The following INF2 variants were observed in gnomAD, a reference collection of about 807,000 sequenced individuals.
INF2 encodes the protein inverted formin 2.
INF2 carries 43 observed loss-of-function variants against 123.5 expected under a neutral mutation model. That is an observed-to-expected ratio of 0.35 (90% confidence interval 0.27 to 0.45). INF2 has a LOEUF of 0.45. Ranked by LOEUF, INF2 falls within the 20% of genes least tolerant of loss-of-function variation. The pLI is 1.00. For missense variants in INF2, 1,453 were observed against 1,682.7 expected (o/e 0.86, Z 2.39); for synonymous variants, 851 against 745.0 (o/e 1.14, Z -2.32).
chr14:104,695,216 T>C (rs1889128936), intron 1 of INF2, among the ~76,000 whole-genome samples: 1 of 151,980 alleles, frequency 6.6e-6, no homozygotes, highest in Non-Finnish European at 1.5e-5. Context: ...CCCTTCCCAG[T>C]CCCTAACCAC....
upstream of INF2, chr14:104,689,521 AGGCCCCGCCCCC>A: frequency 1.1e-4 from 5 of 45,682 alleles, no homozygotes; most frequent in Non-Finnish European, 1.1e-4. Flanking sequence ...CTCCCCCCCC[AGGCCCCGCCCCC>A]GGCCCGCGCT....
At chr14:104,704,935 T>C (rs1191005316) in intron 5 of INF2, 6 of 152,252 alleles carry the variant, frequency 3.9e-5, no homozygotes, top group Admixed American at 2.0e-4. Flanking sequence ...AAGTTATTCA[T>C]TGTTTGTCTG....
At chr14:104,689,511 C>G (rs1888825000), upstream of INF2, 2 of 384,296 alleles carry the variant, frequency 5.2e-6, no homozygotes, top group Non-Finnish European at 7.1e-6. Flanking sequence ...AGCCACCCAC[C>G]TCCCCCCCCA....
intron 1 of INF2, among the ~76,000 whole-genome samples, chr14:104,697,288 C>G (rs1566775173): frequency 6.6e-6 from 1 of 152,206 alleles, no homozygotes; most frequent in African/African-American, 2.4e-5. Flanking sequence ...GGAGCCGAGG[C>G]CTGGGGGCTT....
intron 2 of INF2, 83 bp from the exon 3 acceptor site, chr14:104,703,022 A>G (rs1274749910): frequency 4.1e-5 from 48 of 1,173,874 alleles, no homozygotes; most frequent in Non-Finnish European, 5.4e-5. Context: ...TGCCAGGCCC[A>G]GAGCCCCAGC....
At position 104,714,208 on chromosome 14, in the gene INF2, A is replaced by G; in HGVS notation, c.3046A>G (p.Thr1016Ala). The change falls in exon 21 of 23, where the codon ACC becomes GCC. Residue 1016 changes from threonine (T) to alanine (A), a missense_variant. This residue lies in a region of INF2 where 344 missense variants were observed against 333.1 expected (regional missense o/e 1.03). Transcript: ENST00000392634. ...DPPRATEPVATSNPAGDPVGS... is the reference protein window; with the variant it reads ...DPPRATEPVAASNPAGDPVGS... ...TGGTGTGTCCCTCCATCCAGTGGCC[A>G]CCAGTAACCCTGCAGGAGATCCCGT... 1.3e-6 allele frequency: 2 copies of G among 1,524,328 alleles called. No homozygotes were observed. Among genetic ancestry groups the G allele is most frequent in the Non-Finnish European group, 8.8e-7 (1 of 1,136,926 alleles). The allele number at this position is 1,524,328 out of a possible 1,614,324, so 94.4% of individuals were successfully genotyped here. A position where few individuals can be genotyped will look rare whatever the true frequency, so the allele number is the denominator to read the frequency against.
At chr14:104,711,485 C>T (rs763673591) in intron 15 of INF2, 144 bp from the exon 16 acceptor site, 1 of 774,510 alleles carries the variant, frequency 1.3e-6, no homozygotes, top group Non-Finnish European at 2.3e-6. Context: ...TAGCCAGGCC[C>T]AAGGGAAAGA....
chr14:104,683,189 AG>A (rs1555371342), intron 1 of INF2, among the ~76,000 whole-genome samples: 67 of 40,254 alleles, frequency 1.7e-3, no homozygotes, highest in East Asian at 0.01. Context: ...GCAATGGGGG[AG>A]GGGAGGGGTG....
At chr14:104,698,887 G>A (rs949780431) in intron 1 of INF2, among the ~76,000 whole-genome samples, 2 of 152,208 alleles carry the variant, frequency 1.3e-5, no homozygotes, top group Admixed American at 6.5e-5. Context: ...GACAGCACCC[G>A]GTGGGACACG....
chr14:104,689,488 CGGG>C, upstream of INF2: 2 of 422,100 alleles, frequency 4.7e-6, no homozygotes, highest in Non-Finnish European at 6.3e-6. Flanking sequence ...CCACAGTGGG[CGGG>C]GCCACCCCCA....
intron 5 of INF2, 58 bp from the exon 6 acceptor site, chr14:104,705,977 C>A: frequency 6.3e-7 from 1 of 1,582,778 alleles, no homozygotes; most frequent in Non-Finnish European, 8.6e-7. Context: ...CAGGCTGCCC[C>A]GCCTGCGTGT....
intron 13 of INF2, 82 bp from the exon 14 acceptor site, chr14:104,710,855 G>A: frequency 1.6e-6 from 2 of 1,244,320 alleles, no homozygotes; most frequent in Middle Eastern, 2.0e-4. Context: ...AGGGGCACTG[G>A]CAAGCAGGAC....
At chr14:104,702,297 G>A (rs1190987368) in intron 2 of INF2, among the ~76,000 whole-genome samples, 3 of 152,066 alleles carry the variant, frequency 2.0e-5, no homozygotes, top group Non-Finnish European at 4.4e-5. Context: ...CAGGGGACTC[G>A]TTCCCGGCAG....
exon 1 of INF2, chr14:104,681,224 A>G: frequency 3.0e-6 from 1 of 336,664 alleles, no homozygotes; most frequent in Non-Finnish European, 5.9e-6. Flanking sequence ...CCCAAAAAGC[A>G]GGGGTAGGGA....
upstream of INF2, chr14:104,689,520 CAGGCCCCG>C: frequency 1.8e-6 from 1 of 550,024 alleles, no homozygotes; most frequent in Non-Finnish European, 2.3e-6. Context: ...CCTCCCCCCC[CAGGCCCCG>C]CCCCCGGCCC....
chr14:104,711,572 C>A, intron 15 of INF2, 57 bp from the exon 16 acceptor site: 2 of 1,488,098 alleles, frequency 1.3e-6, no homozygotes, highest in Non-Finnish European at 1.9e-6. Context: ...GGAACAGGGT[C>A]ATCCCCAGGT....
intron 1 of INF2, among the ~76,000 whole-genome samples, chr14:104,694,216 G>A (rs1416760237): frequency 1.3e-5 from 2 of 152,222 alleles, no homozygotes; most frequent in Admixed American, 6.5e-5. Flanking sequence ...TCAGAGCTAC[G>A]GGGCCCTGGA....
intron 1 of INF2, among the ~76,000 whole-genome samples, chr14:104,696,315 T>C (rs1246638276): frequency 1.3e-5 from 2 of 152,224 alleles, no homozygotes; most frequent in Non-Finnish European, 2.9e-5. Flanking sequence ...GCTGGAGTGC[T>C]TCTTGGGTGT....
chr14:104,718,881 C>T lies in INF2; in HGVS notation c.*88C>T. ...TGCCAAGAGAGGCTCTTCTGGGGGC[C>T]AGGCTGGGACTGGGCCCCGGAAACC... On this transcript the variant is annotated 3_prime_UTR_variant, in exon 23 of 23. Transcript: ENST00000392634. 2 of 1,585,112 alleles carry T rather than the reference C, an allele frequency of 1.3e-6. No individual in the cohort carries two copies. Among genetic ancestry groups the T allele is most frequent in the East Asian group, 4.5e-5 (2 of 44,558 alleles).
Sources: gnomAD v4.1 joint callset for allele counts (sites outside exome capture counted in the v4.1 genomes callset) on GRCh38, gnomAD v4.1.1 for gene constraint, gnomAD v4.1.1 regional missense constraint, MANE v1.5 for transcripts, NCBI Gene and HGNC (gene_info 2026-07-23, HGNC 2026-07-21) for gene names.